Variants in PCNX1 observed in about 807,000 individuals in gnomAD.
The protein encoded by PCNX1 is pecanex 1.
PCNX1 carries 78 observed loss-of-function variants against 242.2 expected under a neutral mutation model. The ratio of observed to expected loss-of-function variants is 0.32; its 90% confidence interval spans 0.27 to 0.39. The LOEUF is 0.39. Among genes scored for constraint, PCNX1 ranks in the 10% least tolerant of loss-of-function variants. The probability of loss-of-function intolerance (pLI) is 1.00; values close to 1 mark genes in which losing one functional copy is unlikely to be tolerated. For synonymous variants in PCNX1, 1,024 were observed against 1,032.9 expected, an observed-to-expected ratio of 0.99 and a Z score of 0.17; for missense variants, 2,581 against 2,856.5, an observed-to-expected ratio of 0.90 and a Z score of 2.20.
intron 9 of PCNX1, among the ~76,000 whole-genome samples, chr14:71,010,788 T>G (rs1191487638): frequency 6.6e-6 from 1 of 152,130 alleles, no homozygotes; most frequent in Non-Finnish European, 1.5e-5. Context: ...GTGGGCTGTT[T>G]ACTTATTTTT....
chr14:71,044,313 G>A (rs1054855308), intron 19 of PCNX1: 2 of 152,568 alleles, frequency 1.3e-5, no homozygotes, highest in South Asian at 2.1e-4. Context: ...GTCTACAGTC[G>A]GCATACTTGG....
chr14:70,972,067 C>T (rs559536806), intron 5 of PCNX1, among the ~76,000 whole-genome samples: 36 of 152,246 alleles, frequency 2.4e-4, no homozygotes, highest in Non-Finnish European at 5.1e-4. Context: ...CAATCCAGAA[C>T]ACAGATCAGA....
intron 1 of PCNX1, among the ~76,000 whole-genome samples, chr14:70,908,980 T>G (rs147948163): frequency 3.3e-5 from 5 of 152,248 alleles, no homozygotes; most frequent in Admixed American, 2.6e-4. Context: ...TTTAAAGTAG[T>G]CAGAGGGGAG....
chr14:70,984,320 A>G (rs2058932909), intron 6 of PCNX1, among the ~76,000 whole-genome samples: 2 of 151,536 alleles, frequency 1.3e-5, no homozygotes, highest in African/African-American at 2.4e-5. Flanking sequence ...CAACCATAGC[A>G]GTACATGACA....
rs189018640 is a variant in PCNX1, at chr14:71,067,973, G to T, written c.4853-5572G>T. Among the ~76,000 whole-genome samples, 8 of 152,008 alleles carry T rather than the reference G, an allele frequency of 5.3e-5. No individual in the cohort carries two copies. The East Asian group carries it at 1.5e-3, about 29-fold the overall frequency. The stretch of plus-strand genomic sequence containing the variant: ...AAATTTCTAATTAGTTGTAGCACAT[G>T]GAGAAAAAAGCTAAATTTCTCCAAG... On this transcript the variant is annotated intron_variant, in intron 26 of 35. Transcript: ENST00000304743.
chr14:70,988,491 A>G, intron 6 of PCNX1, 76 bp from the exon 7 acceptor site: 1 of 1,527,222 alleles, frequency 6.5e-7, no homozygotes, highest in East Asian at 2.3e-5. Flanking sequence ...GTGGGAAGTC[A>G]AGGGAAAGCC....
chr14:71,009,766 G>T, intron 9 of PCNX1, 42 bp downstream of exon 9: 1 of 1,174,706 alleles, frequency 8.5e-7, no homozygotes, highest in South Asian at 1.5e-5. Flanking sequence ...ACTTTCATAT[G>T]TTTGCCATAT....
At chr14:70,919,989 G>A (rs2056316778) in intron 1 of PCNX1, among the ~76,000 whole-genome samples, 1 of 152,022 alleles carries the variant, frequency 6.6e-6, no homozygotes, top group South Asian at 2.1e-4. Flanking sequence ...AGAACAGGCA[G>A]GAAGATTAAT....
rs769704144 is a variant in PCNX1 at position 71,009,735 on chromosome 14, A to C, written c.2720+11A>C. 1 of 1,502,114 alleles carries C rather than the reference A, an allele frequency of 6.7e-7. No individual in the cohort carries two copies. The highest frequency in any genetic ancestry group is 9.2e-7 in the Non-Finnish European group (1 of 1,081,698). The allele number at this position is 1,502,114 out of a possible 1,614,324, so 93.0% of individuals were successfully genotyped here. A position where few individuals can be genotyped will look rare whatever the true frequency, so the allele number is the denominator to read the frequency against. On this transcript the variant is annotated intron_variant, in intron 9 of 35. Coordinates refer to ENST00000304743, the MANE Select transcript of PCNX1 (RefSeq NM_014982.3). Reference sequence around the variant, plus strand: ...AGCATCCAATATCTGGTATGTGTGAAGTCATATTAGGAGTGTGTGTACTTT... The same window carrying C: ...AGCATCCAATATCTGGTATGTGTGACGTCATATTAGGAGTGTGTGTACTTT...
At chr14:71,070,128 A>G (rs912351353) in intron 26 of PCNX1, among the ~76,000 whole-genome samples, 1 of 152,208 alleles carries the variant, frequency 6.6e-6, no homozygotes, top group Non-Finnish European at 1.5e-5. Flanking sequence ...CATAAGAAAC[A>G]ACGCGTCAGC....
intron 28 of PCNX1, among the ~76,000 whole-genome samples, chr14:71,083,637 G>A (rs1001241372): frequency 6.6e-6 from 1 of 151,658 alleles, no homozygotes; most frequent in African/African-American, 2.4e-5. Context: ...CTGCTTGATC[G>A]ATTTGGCTAT....
rs546310208 is a variant in PCNX1 at position 71,049,989 on chromosome 14, C to T, written c.4339-663C>T. 1.2e-4 allele frequency among the ~76,000 whole-genome samples: 18 copies of T among 152,306 alleles called. 1 individual carries two copies. The South Asian group carries it at 3.5e-3, about 30-fold the overall frequency. ...ATGAACAGATGCCTGGTATACACAACTAAATTTCTATGGAAACAGGCAGTG... is the reference window on the plus strand; with the variant it reads ...ATGAACAGATGCCTGGTATACACAATTAAATTTCTATGGAAACAGGCAGTG... On this transcript the variant is annotated intron_variant, in intron 22 of 35. Transcript: ENST00000304743.
chr14:71,023,825 G>A (rs61990385), intron 13 of PCNX1, among the ~76,000 whole-genome samples: 2,160 of 152,104 alleles, frequency 0.014, 25 homozygotes, highest in Middle Eastern at 0.034. Context: ...TTCAAAAATA[G>A]ACTTCATGAA....
chr14:70,973,711 G>T (rs2058608098), intron 5 of PCNX1, among the ~76,000 whole-genome samples: 1 of 152,050 alleles, frequency 6.6e-6, no homozygotes, highest in Non-Finnish European at 1.5e-5. Flanking sequence ...TCAATTGATA[G>T]GGATGATCAG....
At chr14:70,934,971 G>C (rs1056407497) in intron 1 of PCNX1, among the ~76,000 whole-genome samples, 7 of 140,368 alleles carry the variant, frequency 5.0e-5, no homozygotes, top group African/African-American at 1.6e-4. Flanking sequence ...TAGAGAATAA[G>C]TTTAAACTAA....
intron 2 of PCNX1, among the ~76,000 whole-genome samples, chr14:70,948,744 T>C (rs970450743): frequency 2.0e-5 from 3 of 148,904 alleles, no homozygotes; most frequent in Non-Finnish European, 3.0e-5. Flanking sequence ...TATGTGTATA[T>C]GTACATATAT....
intron 15 of PCNX1, chr14:71,027,145 C>G (rs981329531): frequency 6.9e-5 from 21 of 304,970 alleles, no homozygotes; most frequent in Non-Finnish European, 1.2e-4. Context: ...ACTAAAAGTT[C>G]TAGTGAATTT....
intron 28 of PCNX1, among the ~76,000 whole-genome samples, chr14:71,087,292 AAT>A (rs1328400636): frequency 1.3e-5 from 2 of 152,208 alleles, no homozygotes; most frequent in Non-Finnish European, 1.5e-5. Context: ...TGTAAGAGGT[AAT>A]ATGTCTTTAG....
intron 26 of PCNX1, among the ~76,000 whole-genome samples, chr14:71,068,593 T>C (rs1407530864): frequency 7.4e-6 from 1 of 135,146 alleles, no homozygotes. Flanking sequence ...TGTACGTGCG[T>C]GTGTGTGTGT....
Sources: allele counts gnomAD v4.1 joint callset (sites outside exome capture counted in the v4.1 genomes callset), GRCh38; gene constraint gnomAD v4.1.1; transcripts MANE v1.5; gene names NCBI Gene and HGNC (gene_info 2026-07-23, HGNC 2026-07-21).